KLK14: variants seen among roughly 807,000 people sequenced by gnomAD.
The protein encoded by KLK14 is kallikrein-14.
In KLK14, 21 loss-of-function variants were observed where a neutral mutation model predicts 24.6. The observed-to-expected ratio is 0.85, with a 90% CI of 0.61 to 1.23. The LOEUF (loss-of-function observed/expected upper bound fraction) is 1.23. KLK14 is among the 50% of genes most tolerant of loss of function. The pLI, the probability that KLK14 is intolerant of heterozygous loss-of-function variation, is 0.00. For missense variants in KLK14, 320 were observed against 338.9 expected, an observed-to-expected ratio of 0.94 and a Z score of 0.44; for synonymous variants, 133 against 139.7, an observed-to-expected ratio of 0.95 and a Z score of 0.34.
chr19:51,080,024 C>T (rs756211352), intron 3 of KLK14, among the ~76,000 whole-genome samples: 13 of 152,172 alleles, frequency 8.5e-5, no homozygotes, highest in African/African-American at 2.7e-4. Flanking sequence ...AGCGAAACTG[C>T]GTTATGAGTC....
At chr19:51,082,265 C>T (rs2091844816) in intron 2 of KLK14, among the ~76,000 whole-genome samples, 1 of 152,118 alleles carries the variant, frequency 6.6e-6, no homozygotes, top group Non-Finnish European at 1.5e-5. Flanking sequence ...TGTTTCTTTC[C>T]TAACACAGTC....
Position 51,078,946 on chromosome 19 carries a change from A to G in KLK14, c.472T>C (p.Tyr158His). The change falls in exon 5 of 6, where the codon TAC becomes CAC. Residue 158 changes from tyrosine (Y) to histidine (H), a missense_variant. Physicochemically the swap from Tyr to His is moderately conservative, Grantham distance 83. Transcript: ENST00000650543. The surrounding 1 kb of genome is among the most constrained non-coding windows in gnomAD (Gnocchi z 5.0). ...WGTISSPIAR[Y>H]PASLQCVNIN... ...TTCACGCATTGCAGAGAGGCGGGGT[A>G]CCTGGCTGGGGGACACTGCAGGGTT... 6.2e-7 allele frequency: 1 copy of G among 1,613,636 alleles called. No homozygotes were observed. The highest frequency in any genetic ancestry group is 8.5e-7 in the Non-Finnish European group (1 of 1,179,872).
At chr19:51,083,416 GAGAGAGAGCCAGAC>G (rs2091853367), upstream of KLK14, among the ~76,000 whole-genome samples, 1 of 150,938 alleles carries the variant, frequency 6.6e-6, no homozygotes, top group South Asian at 2.2e-4. Context: ...GAGAGAGACA[GAGAGAGAGCCAGAC>G]AGAGAGACAC....
At position 51,078,759 on chromosome 19, in the gene KLK14, T is replaced by C. The variant is rs982824205; in HGVS notation, c.603+56A>G. ...CAGACTTCCATGCTCCTGACATCATTTGCTTAAATCCCAGTCCCAAATAAT... is the reference window on the plus strand; with the variant it reads ...CAGACTTCCATGCTCCTGACATCATCTGCTTAAATCCCAGTCCCAAATAAT... On this transcript the variant is annotated intron_variant, in intron 5 of 5. Transcript: ENST00000650543. This position sits in a 1 kb window ranked among gnomAD's most constrained non-coding sequence, Gnocchi z 5.0. 4.4e-6 allele frequency: 7 copies of C among 1,593,680 alleles called. No individual in the cohort carries two copies. The African/African-American group carries it at 9.4e-5, about 21-fold the overall frequency.
chr19:51,083,292 A>AGGGAGG (rs879477718), upstream of KLK14, among the ~76,000 whole-genome samples: 1 of 146,520 alleles, frequency 6.8e-6, no homozygotes, highest in African/African-American at 2.5e-5. Flanking sequence ...AGAGGGAGAG[A>AGGGAGG]GAGAGAGAGA....
chr19:51,082,730 C>G lies in KLK14; in HGVS notation c.-31G>C, dbSNP rs770078034. The G allele has an allele frequency of 6.2e-7, 1 of 1,613,956 alleles. No homozygotes were observed. Among genetic ancestry groups the G allele is most frequent in the Non-Finnish European group, 8.5e-7 (1 of 1,179,990 alleles). On this transcript the variant is annotated 5_prime_UTR_variant, in exon 1 of 6. Coordinates refer to ENST00000650543, the MANE Select transcript of KLK14 (RefSeq NM_001369775.2). Reference sequence around the variant, plus strand: ...CAGCAAGGGGCACTTACCCAGAGCCCAAGACCCTCAGGGACATGAAGACAC... The same window carrying G: ...CAGCAAGGGGCACTTACCCAGAGCCGAAGACCCTCAGGGACATGAAGACAC...
At chr19:51,083,058 A>G (rs962554450), upstream of KLK14, among the ~76,000 whole-genome samples, 2 of 151,138 alleles carry the variant, frequency 1.3e-5, no homozygotes, top group East Asian at 2.0e-4. Flanking sequence ...AGCAGCCACA[A>G]TTGTTCATGA....
Position 51,077,978 on chromosome 19 carries a change from T to C in KLK14, c.*29A>G. 1 of 1,610,794 alleles carries C rather than the reference T, an allele frequency of 6.2e-7. No homozygotes were observed. Among genetic ancestry groups the C allele is most frequent in the Non-Finnish European group, 8.5e-7 (1 of 1,178,164 alleles). ...GTAGAGAGAGGAGGGCCTGGGCAGC[T>C]GACGAGGTCCATCCCACCGTGAAGA... On this transcript the variant is annotated 3_prime_UTR_variant, in exon 6 of 6. Coordinates refer to ENST00000650543, the MANE Select transcript of KLK14 (RefSeq NM_001369775.2).
intron 3 of KLK14, among the ~76,000 whole-genome samples, chr19:51,080,206 G>A (rs554200596): frequency 1.3e-5 from 2 of 151,726 alleles, no homozygotes; most frequent in African/African-American, 2.4e-5. Context: ...ATGGAGTCTC[G>A]CTCTGTCACC....
intron 2 of KLK14, 60 bp downstream of exon 2, chr19:51,082,515 C>T (rs2091846944): frequency 1.3e-6 from 2 of 1,550,588 alleles, no homozygotes; most frequent in Admixed American, 1.7e-5. Flanking sequence ...AGGACCCATC[C>T]CCATCTCTTC....
rs143156947 is a variant in KLK14 at position 51,082,380 on chromosome 19, G to A, written c.40+195C>T. 8.6e-5 allele frequency among the ~76,000 whole-genome samples: 13 copies of A among 151,830 alleles called. No individual in the cohort carries two copies. In the East Asian group the frequency reaches 1.2e-3, roughly 14 times the overall value. The stretch of plus-strand genomic sequence containing the variant: ...AGACCTTATAAACACCTCTCTCCCC[G>A]GCCCCACAATTCCCTAGCACCTCCA... On this transcript the variant is annotated intron_variant, in intron 2 of 5. Coordinates refer to ENST00000650543, the MANE Select transcript of KLK14 (RefSeq NM_001369775.2).
At position 51,078,663 on chromosome 19, in the gene KLK14, C is replaced by T. The variant is rs903374715; in HGVS notation, c.603+152G>A. 24 of 1,019,852 alleles carry T rather than the reference C, an allele frequency of 2.4e-5. No individual in the cohort carries two copies. Among genetic ancestry groups the T allele is most frequent in the Non-Finnish European group, 3.3e-5 (23 of 695,004 alleles). 63.2% of individuals were successfully genotyped at this position (1,019,852 alleles called of 1,614,324 possible). A position where few individuals can be genotyped will look rare whatever the true frequency, so the allele number is the denominator to read the frequency against. ...AGTCCATTACCCAGGGGGCACAGGG[C>T]TAGGAAGCAGGGTGGCCTGGCTATC... On this transcript the variant is annotated intron_variant, in intron 5 of 5. Coordinates refer to ENST00000650543, the MANE Select transcript of KLK14 (RefSeq NM_001369775.2). This position sits in a 1 kb window ranked among gnomAD's most constrained non-coding sequence, Gnocchi z 5.0.
chr19:51,082,911 T>G, upstream of KLK14: 1 of 762,544 alleles, frequency 1.3e-6, no homozygotes, highest in Admixed American at 2.7e-5. Context: ...TGGCAAAGCC[T>G]TTTATCCCTG....
At chr19:51,082,983 TA>T, upstream of KLK14, 1 of 581,182 alleles carries the variant, frequency 1.7e-6, no homozygotes, top group East Asian at 2.9e-5. Context: ...TTTTTTTTTT[TA>T]TTGCCTAGTT....
chr19:51,082,672 C>A (rs1247701250), intron 1 of KLK14, 36 bp from the exon 2 acceptor site: 3 of 1,614,168 alleles, frequency 1.9e-6, no homozygotes, highest in East Asian at 2.2e-5. Context: ...AGAGAAGGAA[C>A]CTTCAACAGA....
At chr19:51,080,303 G>A (rs560356627) in intron 3 of KLK14, among the ~76,000 whole-genome samples, 1 of 152,044 alleles carries the variant, frequency 6.6e-6, no homozygotes, top group East Asian at 1.9e-4. Context: ...GCCTCCCAAA[G>A]TGCTGGGATT....
chr19:51,081,808 A>C (rs186627912), intron 2 of KLK14, 105 bp from the exon 3 acceptor site: 5 of 1,092,706 alleles, frequency 4.6e-6, no homozygotes. Flanking sequence ...TTTTGGTCTA[A>C]CCCCTAAACT....
chr19:51,080,607 A>T (rs909209026), intron 3 of KLK14, among the ~76,000 whole-genome samples: 6 of 152,206 alleles, frequency 3.9e-5, no homozygotes, highest in African/African-American at 1.4e-4. Context: ...TTGTAAGTTC[A>T]GATCTAGAAT....
chr19:51,077,587 A>T, downstream of KLK14: 1 of 182,600 alleles, frequency 5.5e-6, no homozygotes, highest in Non-Finnish European at 1.1e-5. Context: ...CCTGGGTCTG[A>T]GGGAGGAGGG....
Sources: allele counts gnomAD v4.1 joint callset (sites outside exome capture counted in the v4.1 genomes callset), GRCh38; gene constraint gnomAD v4.1.1; non-coding constraint Gnocchi (gnomAD v3.1); transcripts MANE v1.5; gene names NCBI Gene and HGNC (gene_info 2026-07-23, HGNC 2026-07-21).